The following GRIN2B variants were observed in gnomAD, a reference collection of about 807,000 sequenced individuals.
GRIN2B encodes glutamate ionotropic receptor NMDA type subunit 2B, also known as glutamate receptor ionotropic, NMDA 2B.
GRIN2B carries 5 observed loss-of-function variants against 114.5 expected under a neutral mutation model. The ratio of observed to expected loss-of-function variants is 0.04; its 90% CI spans 0.02 to 0.09. The LOEUF is 0.09. Among genes scored for constraint, GRIN2B ranks in the 10% least tolerant of loss-of-function variants. GRIN2B has a pLI of 1.00. For synonymous variants in GRIN2B, 787 were observed against 745.1 expected (o/e 1.06, Z -0.92); for missense variants, 1,108 against 1,943.5 (o/e 0.57, Z 8.08).
intron 2 of GRIN2B, among the ~76,000 whole-genome samples, chr12:13,908,601 T>A (rs1040176109): frequency 6.6e-6 from 1 of 152,200 alleles, no homozygotes; most frequent in African/African-American, 2.4e-5. Context: ...TTCCTTATAA[T>A]GAGTTGAACT....
intron 4 of GRIN2B, among the ~76,000 whole-genome samples, chr12:13,679,961 G>A (rs560805236): frequency 1.0e-3 from 155 of 152,118 alleles, no homozygotes; most frequent in Middle Eastern, 3.4e-3. Flanking sequence ...CAAATATAAG[G>A]TTATTTAATA....
At chr12:13,834,122 C>A (rs1865207325) in intron 3 of GRIN2B, among the ~76,000 whole-genome samples, 1 of 147,980 alleles carries the variant, frequency 6.8e-6, no homozygotes, top group African/African-American at 2.5e-5. Context: ...GCTCTGCCTC[C>A]CGTGTTCATG....
At chr12:13,735,108 A>G (rs1419818869) in intron 4 of GRIN2B, among the ~76,000 whole-genome samples, 1 of 152,202 alleles carries the variant, frequency 6.6e-6, no homozygotes, top group African/African-American at 2.4e-5. Context: ...TGGATAAAAT[A>G]AGTCATCAGA....
At chr12:13,817,339 G>A (rs529602393) in intron 3 of GRIN2B, among the ~76,000 whole-genome samples, 1 of 151,746 alleles carries the variant, frequency 6.6e-6, no homozygotes, top group East Asian at 1.9e-4. Context: ...CACTGACTGG[G>A]AGCAAACCAA....
intron 3 of GRIN2B, among the ~76,000 whole-genome samples, chr12:13,756,598 A>G (rs561236097): frequency 3.3e-5 from 5 of 152,366 alleles, no homozygotes; most frequent in Middle Eastern, 3.4e-3. Context: ...TGGTTATAGC[A>G]AAGTGAAGAA....
At chr12:13,780,675 G>T (rs375809933) in intron 3 of GRIN2B, among the ~76,000 whole-genome samples, 1 of 152,122 alleles carries the variant, frequency 6.6e-6, no homozygotes, top group Non-Finnish European at 1.5e-5. Context: ...ATAACATGAC[G>T]TGGCAGGAGA....
Position 13,825,496 on chromosome 12 carries a change from T to TTTGTGTGTG in GRIN2B, c.411+40301_411+40302insCACACACAA, listed in dbSNP as rs375940899. Among the ~76,000 whole-genome samples, 3 of 122,968 alleles carry TTTGTGTGTG rather than the reference T, an allele frequency of 2.4e-5. No individual in the cohort carries two copies. The East Asian group carries it at 6.7e-4, about 28-fold the overall frequency. 80.7% of individuals were successfully genotyped at this position (122,968 alleles called of 152,430 possible). ...TATATATAATAAATATATATATATT[T>TTTGTGTGTG]TGTGTGTGTGTGTGTGTGTGTGTGT... On this transcript the variant is annotated intron_variant, in intron 3 of 13. Coordinates refer to ENST00000609686, the MANE Select transcript of GRIN2B (RefSeq NM_000834.5).
intron 3 of GRIN2B, among the ~76,000 whole-genome samples, chr12:13,796,404 G>A (rs1864419934): frequency 6.6e-6 from 1 of 152,160 alleles, no homozygotes; most frequent in South Asian, 2.1e-4. Context: ...GAGTCAGGGG[G>A]AAGAAGGCCA....
At chr12:13,586,607 G>T (rs1021860844) in intron 10 of GRIN2B, among the ~76,000 whole-genome samples, 1 of 152,146 alleles carries the variant, frequency 6.6e-6, no homozygotes, top group Non-Finnish European at 1.5e-5. Flanking sequence ...GGTCCTGAAA[G>T]AACTTTATAA....
At chr12:13,889,667 A>G (rs1378434011) in intron 2 of GRIN2B, among the ~76,000 whole-genome samples, 1 of 152,202 alleles carries the variant, frequency 6.6e-6, no homozygotes, top group Non-Finnish European at 1.5e-5. Flanking sequence ...CTGTTCCCCA[A>G]GACCATGCCA....
intron 4 of GRIN2B, among the ~76,000 whole-genome samples, chr12:13,701,473 A>G (rs970738172): frequency 6.6e-6 from 1 of 150,824 alleles, no homozygotes; most frequent in African/African-American, 2.4e-5. Flanking sequence ...AATACTTACC[A>G]AGCAACTATT....
chr12:13,752,142 C>G (rs1465601263), intron 4 of GRIN2B, among the ~76,000 whole-genome samples: 1 of 152,208 alleles, frequency 6.6e-6, no homozygotes, highest in Non-Finnish European at 1.5e-5. Flanking sequence ...GTTACCCACT[C>G]AACCTCCACT....
rs148506687 is a variant in GRIN2B at position 13,919,366 on chromosome 12, G to A, written c.-18-53140C>T. Among the ~76,000 whole-genome samples, 691 of 152,236 alleles carry A rather than the reference G, an allele frequency of 4.5e-3. 5 individuals are homozygous for A. Among genetic ancestry groups the A allele is most frequent in the African/African-American group, 0.016 (652 of 41,548 alleles). On this transcript the variant is annotated intron_variant, in intron 2 of 13. Transcript: ENST00000609686. ...TATTCTTCAAATATTCTATTATAAT[G>A]ATTCCAGTGAAACACCCACATAAAT... is the stretch of plus-strand genomic sequence containing the variant.
rs1278375123 is a variant in GRIN2B at position 13,543,184 on chromosome 12, T to G, written c.*19599A>C. The stretch of plus-strand genomic sequence containing the variant: ...TCTCAGTTCCTTGACCCCTGCTCCT[T>G]CTATAACCTTTTCCTCTATCTTATC... On this transcript the variant is annotated 3_prime_UTR_variant, in exon 14 of 14. Transcript: ENST00000609686. 6.6e-6 allele frequency: 1 copy of G among 152,086 alleles called. No homozygotes were observed. The highest frequency in any genetic ancestry group is 1.5e-5 in the Non-Finnish European group (1 of 68,004). 9.4% of individuals were successfully genotyped at this position (152,086 alleles called of 1,614,324 possible).
chr12:13,652,735 G>A (rs559457492), intron 5 of GRIN2B, among the ~76,000 whole-genome samples: 15 of 152,272 alleles, frequency 9.9e-5, no homozygotes, highest in African/African-American at 3.6e-4. Flanking sequence ...GGCAAAGAGA[G>A]TCAAAGGTCT....
At chr12:13,772,658 T>A (rs553020783) in intron 3 of GRIN2B, among the ~76,000 whole-genome samples, 6 of 152,210 alleles carry the variant, frequency 3.9e-5, no homozygotes, top group African/African-American at 1.4e-4. Context: ...CTGCACAGAG[T>A]AAATACCTGA....
At chr12:13,633,943 A>G (rs1280083062) in intron 5 of GRIN2B, among the ~76,000 whole-genome samples, 1 of 151,978 alleles carries the variant, frequency 6.6e-6, no homozygotes, top group Non-Finnish European at 1.5e-5. Flanking sequence ...ATGATGGAAG[A>G]GCTGGGTCAC....
chr12:13,919,509 A>G (rs1866788732), intron 2 of GRIN2B, among the ~76,000 whole-genome samples: 1 of 152,212 alleles, frequency 6.6e-6, no homozygotes, highest in Non-Finnish European at 1.5e-5. Context: ...CCTGTATGAC[A>G]TGAAAGATTC....
At chr12:13,792,448 T>C (rs7953995) in intron 3 of GRIN2B, among the ~76,000 whole-genome samples, 6,723 of 152,316 alleles carry the variant, frequency 0.044, 222 homozygotes, top group African/African-American at 0.095. Flanking sequence ...AAGGAGAAGA[T>C]GTAAGTAAAA....
Sources: gnomAD v4.1 joint callset for allele counts (sites outside exome capture counted in the v4.1 genomes callset) on GRCh38, gnomAD v4.1.1 for gene constraint, MANE v1.5 for transcripts, NCBI Gene and HGNC (gene_info 2026-07-23, HGNC 2026-07-21) for gene names.